EXOC6B: variants seen among roughly 807,000 people sequenced by gnomAD.
EXOC6B encodes the protein SEC15 homolog B.
In EXOC6B, 54 loss-of-function variants were observed where a neutral mutation model predicts 113.5. That is an observed-to-expected ratio of 0.48 (90% CI 0.38 to 0.60). The LOEUF is 0.60. Ranked by LOEUF, EXOC6B falls within the 20% of genes least tolerant of loss-of-function variation. EXOC6B has a pLI of 0.00. For synonymous variants in EXOC6B, 357 were observed against 339.0 expected (o/e 1.05, Z -0.58); for missense variants, 797 against 977.5 (o/e 0.82, Z 2.46).
intron 18 of EXOC6B, among the ~76,000 whole-genome samples, chr2:72,401,619 A>ATG (rs1693291456): frequency 2.0e-5 from 1 of 49,618 alleles, no homozygotes; most frequent in East Asian, 4.0e-4. Flanking sequence ...ATATATATAT[A>ATG]TACATATATA....
intron 6 of EXOC6B, among the ~76,000 whole-genome samples, chr2:72,610,882 C>A (rs1391368282): frequency 6.6e-6 from 1 of 152,170 alleles, no homozygotes; most frequent in Admixed American, 6.5e-5. Context: ...ACACCACCTT[C>A]CTTGTGATGA....
At chr2:72,455,689 A>C (rs192183495) in intron 18 of EXOC6B, among the ~76,000 whole-genome samples, 165 of 152,146 alleles carry the variant, frequency 1.1e-3, no homozygotes, top group Non-Finnish European at 2.1e-3. Context: ...GGAGAATAAC[A>C]ATGTTTTCAG....
At chr2:72,719,232 A>C (rs1679838066) in intron 5 of EXOC6B, among the ~76,000 whole-genome samples, 1 of 152,314 alleles carries the variant, frequency 6.6e-6, no homozygotes, top group South Asian at 2.1e-4. Context: ...CAGAGGGCAA[A>C]AAACTCATAT....
chr2:72,201,418 A>G (rs1679485536), intron 20 of EXOC6B, among the ~76,000 whole-genome samples: 2 of 146,278 alleles, frequency 1.4e-5, no homozygotes, highest in Non-Finnish European at 3.0e-5. Context: ...TTATCACTAT[A>G]TATGTGAAAT....
At chr2:72,823,776 G>A (rs559036794) in intron 1 of EXOC6B, among the ~76,000 whole-genome samples, 19 of 150,434 alleles carry the variant, frequency 1.3e-4, no homozygotes, top group Non-Finnish European at 2.2e-4. Flanking sequence ...GTGAGACCCT[G>A]TCCCAAAAAA....
intron 6 of EXOC6B, among the ~76,000 whole-genome samples, chr2:72,619,904 C>T (rs752880813): frequency 7.2e-5 from 11 of 152,212 alleles, no homozygotes; most frequent in Non-Finnish European, 1.0e-4. Flanking sequence ...TGCTGGGCAG[C>T]TCTGGTGGAG....
At position 72,703,976 on chromosome 2, in the gene EXOC6B, C is replaced by T. The variant is rs572630863; in HGVS notation, c.669+14127G>A. On this transcript the variant is annotated intron_variant, in intron 6 of 21. Coordinates refer to ENST00000272427, the MANE Select transcript of EXOC6B (RefSeq NM_015189.3). ...CAACACTATGTTGAAACCAAGCGGA[C>T]CTAATAGACATCTACAGAACTCTCC... is the stretch of plus-strand genomic sequence containing the variant. 1.4e-4 allele frequency among the ~76,000 whole-genome samples: 22 copies of T among 152,164 alleles called. No homozygotes were observed. The East Asian group carries it at 4.2e-3, about 29-fold the overall frequency.
intron 8 of EXOC6B, among the ~76,000 whole-genome samples, chr2:72,549,361 C>T (rs1015420943): frequency 3.3e-5 from 5 of 151,894 alleles, no homozygotes; most frequent in Admixed American, 6.6e-5. Flanking sequence ...GATAAGGAGA[C>T]GATTTTCAAT....
intron 20 of EXOC6B, among the ~76,000 whole-genome samples, chr2:72,245,770 A>G (rs1682615013): frequency 6.6e-6 from 1 of 152,162 alleles, no homozygotes; most frequent in Admixed American, 6.5e-5. Context: ...CAAAGAACAG[A>G]CCATTATGTA....
intron 19 of EXOC6B, among the ~76,000 whole-genome samples, chr2:72,353,907 T>C (rs1356666055): frequency 6.6e-6 from 1 of 152,178 alleles, no homozygotes; most frequent in Non-Finnish European, 1.5e-5. Flanking sequence ...ACTTAAGGTG[T>C]AGCTCTCAAA....
intron 6 of EXOC6B, among the ~76,000 whole-genome samples, chr2:72,601,847 G>C (rs1229249594): frequency 6.6e-6 from 1 of 152,100 alleles, no homozygotes; most frequent in Non-Finnish European, 1.5e-5. Flanking sequence ...GAAATAAAAT[G>C]ATATACACCA....
At chr2:72,411,244 A>G (rs186549877) in intron 18 of EXOC6B, among the ~76,000 whole-genome samples, 3 of 152,222 alleles carry the variant, frequency 2.0e-5, no homozygotes, top group East Asian at 3.9e-4. Flanking sequence ...AATAGACACT[A>G]TCAATTAAAT....
chr2:72,222,382 A>G (rs1680933266), intron 20 of EXOC6B, among the ~76,000 whole-genome samples: 1 of 152,234 alleles, frequency 6.6e-6, no homozygotes, highest in Non-Finnish European at 1.5e-5. Flanking sequence ...GTAGACCACA[A>G]GAACAAGTAT....
intron 17 of EXOC6B, among the ~76,000 whole-genome samples, chr2:72,475,719 A>C (rs540700602): frequency 1.3e-5 from 2 of 152,280 alleles, no homozygotes; most frequent in East Asian, 3.9e-4. Flanking sequence ...GTTCCCTGCC[A>C]CTGGGGAGGG....
At chr2:72,341,771 C>T (rs2104907912) in intron 19 of EXOC6B, among the ~76,000 whole-genome samples, 1 of 152,166 alleles carries the variant, frequency 6.6e-6, no homozygotes, top group South Asian at 2.1e-4. Flanking sequence ...GAACATTCCA[C>T]CCAACAGTAG....
chr2:72,422,995 C>T (rs1398842957), intron 18 of EXOC6B, among the ~76,000 whole-genome samples: 2 of 152,170 alleles, frequency 1.3e-5, no homozygotes, highest in Admixed American at 6.5e-5. Context: ...CTCGGGTCCC[C>T]TTCCACCCTG....
intron 6 of EXOC6B, among the ~76,000 whole-genome samples, chr2:72,588,856 T>A (rs867480693): frequency 1.2e-4 from 19 of 152,042 alleles, no homozygotes; most frequent in African/African-American, 3.9e-4. Flanking sequence ...GAAGCAATAA[T>A]GAAATTTTTA....
chr2:72,250,110 T>A (rs530548877), intron 20 of EXOC6B, among the ~76,000 whole-genome samples: 1 of 152,228 alleles, frequency 6.6e-6, no homozygotes, highest in African/African-American at 2.4e-5. Flanking sequence ...AAATCTTTCA[T>A]GCAGAATGTA....
At chr2:72,417,383 C>G (rs1432327660) in intron 18 of EXOC6B, among the ~76,000 whole-genome samples, 2 of 152,170 alleles carry the variant, frequency 1.3e-5, no homozygotes, top group Non-Finnish European at 2.9e-5. Context: ...GTCTCAAACT[C>G]CTGACCTCAA....
Sources: allele counts gnomAD v4.1 joint callset (sites outside exome capture counted in the v4.1 genomes callset), GRCh38; gene constraint gnomAD v4.1.1; transcripts MANE v1.5; gene names NCBI Gene and HGNC (gene_info 2026-07-23, HGNC 2026-07-21).